The following PCDH10 variants were observed in gnomAD, a reference collection of about 807,000 sequenced individuals.
PCDH10 encodes the protein protocadherin 10, also known as protocadherin-10.
Under a neutral mutation model 74.4 loss-of-function variants are expected in PCDH10, and 15 were observed. The ratio of observed to expected loss-of-function variants is 0.20; its 90% CI spans 0.13 to 0.31. PCDH10 has a LOEUF of 0.31. Among genes scored for constraint, PCDH10 ranks in the 10% least tolerant of loss-of-function variants. The probability of loss-of-function intolerance (pLI) is 1.00; values close to 1 mark genes in which losing one functional copy is unlikely to be tolerated. For missense variants in PCDH10, 1,260 were observed against 1,390.2 expected (o/e 0.91, Z 1.49); for synonymous variants, 619 against 589.8 (o/e 1.05, Z -0.72).
intron 2 of PCDH10, among the ~76,000 whole-genome samples, chr4:133,204,786 G>T (rs917614013): frequency 3.9e-5 from 6 of 152,256 alleles, no homozygotes; most frequent in African/African-American, 1.4e-4. Context: ...CCTGCCCTGG[G>T]ATTATTGGGA....
chr4:133,186,118 T>A (rs996540457), intron 4 of PCDH10, among the ~76,000 whole-genome samples: 1 of 152,092 alleles, frequency 6.6e-6, no homozygotes, highest in African/African-American at 2.4e-5. Flanking sequence ...AAAATAGGAT[T>A]CCACAATATA....
At position 133,163,149 on chromosome 4, in the gene PCDH10, A is replaced by G. The variant is rs1274515953; in HGVS notation, c.2970A>G (p.Pro990=). The G allele has an allele frequency of 1.2e-6, 2 of 1,614,070 alleles. No individual in the cohort carries two copies. Among genetic ancestry groups the G allele is most frequent in the African/African-American group, 1.3e-5 (1 of 74,938 alleles). Residue 990 remains proline (P), a synonymous_variant, in exon 4 of 5, where the codon CCA becomes CCG. Coordinates refer to ENST00000264360, the MANE Select transcript of PCDH10 (RefSeq NM_032961.3). ...SVPDTEVFET[P]EAQPGAERSF... is the part of the protein sequence containing the mutation. ...CAGACACTGAGGTGTTTGAAACTCC[A>G]GAAGCCCAGCCTGGGGCAGAGCGGT...
exon 3 of PCDH10, chr4:133,208,425 G>A (rs1560721290): frequency 6.6e-6 from 1 of 152,128 alleles, no homozygotes; most frequent in African/African-American, 2.4e-5. Context: ...TTTCTGGTGT[G>A]ATGTGGCCAT....
intron 4 of PCDH10, chr4:133,164,158 A>T: frequency 5.9e-6 from 2 of 338,066 alleles, no homozygotes; most frequent in Non-Finnish European, 5.7e-6. Context: ...AGAACCAAAA[A>T]ATCATTTGTT....
Position 133,177,272 on chromosome 4 carries a change from C to T in PCDH10, c.3104-12869C>T, listed in dbSNP as rs115329560. Among the ~76,000 whole-genome samples, 772 of 152,192 alleles carry T rather than the reference C, an allele frequency of 5.1e-3. 6 individuals carry two copies. The highest frequency in any genetic ancestry group is 0.018 in the African/African-American group (740 of 41,542). On this transcript the variant is annotated intron_variant, in intron 4 of 4. Coordinates refer to ENST00000264360, the MANE Select transcript of PCDH10 (RefSeq NM_032961.3). Reference sequence around the variant, plus strand: ...TAGAGATACTTTTGCCTCCTTTGTTCTTCACTAAAATCTTATTATCTAATA... The same window carrying T: ...TAGAGATACTTTTGCCTCCTTTGTTTTTCACTAAAATCTTATTATCTAATA...
rs1490867617 is a variant in PCDH10 at position 133,185,906 on chromosome 4, G to A, written c.3104-4235G>A. ...CAATTTATTAAATTGTTATTTTAAT[G>A]TATAAAATAAAATAATTTTTACCAG... On this transcript the variant is annotated intron_variant, in intron 4 of 4. Transcript: ENST00000264360. 2.0e-5 allele frequency among the ~76,000 whole-genome samples: 3 copies of A among 152,058 alleles called. No homozygotes were observed. In the East Asian group the frequency reaches 5.8e-4, roughly 29 times the overall value.
chr4:133,187,269 G>A (rs1271740019), intron 4 of PCDH10, among the ~76,000 whole-genome samples: 1 of 152,040 alleles, frequency 6.6e-6, no homozygotes, highest in East Asian at 1.9e-4. Flanking sequence ...GAATTTATGT[G>A]AATGAAGTGA....
Position 133,151,179 on chromosome 4 carries a change from C to A in PCDH10, c.1039C>A (p.Arg347=). The change falls in exon 1 of 5, where the codon CGA becomes AGA. Residue 347 remains arginine (R), a synonymous_variant. Coordinates refer to ENST00000264360, the MANE Select transcript of PCDH10 (RefSeq NM_032961.3). ...AVPAHCKVLV[R]VLDANDNAPE... is the part of the protein sequence containing the mutation. ...GCCTGCGCACTGCAAGGTGCTAGTGCGAGTACTGGATGCTAATGACAACGC... is the reference window on the plus strand; with the variant it reads ...GCCTGCGCACTGCAAGGTGCTAGTGAGAGTACTGGATGCTAATGACAACGC... The A allele has an allele frequency of 6.2e-7, 1 of 1,614,104 alleles. No individual in the cohort carries two copies. The highest frequency in any genetic ancestry group is 8.5e-7 in the Non-Finnish European group (1 of 1,180,026).
Position 133,191,082 on chromosome 4 carries a change from T to G in PCDH10, c.*922T>G, listed in dbSNP as rs1727656832. The G allele has an allele frequency of 6.6e-6, 1 of 152,408 alleles. No individual in the cohort carries two copies. Among genetic ancestry groups the G allele is most frequent in the Non-Finnish European group, 1.5e-5 (1 of 67,916 alleles). The allele number at this position is 152,408 out of a possible 1,614,324, so 9.4% of individuals were successfully genotyped here. A position where few individuals can be genotyped will look rare whatever the true frequency, so the allele number is the denominator to read the frequency against. On this transcript the variant is annotated 3_prime_UTR_variant, in exon 5 of 5. Transcript: ENST00000264360. ...CTATCAAACTATCTAACAATCTGCA[T>G]AAGTCTGATTCTATTTCTATGACTT...
rs1287787958 is a variant in PCDH10 at position 133,154,935 on chromosome 4, C to G, written c.2709C>G (p.Ala903=). Residue 903 remains alanine (A), a synonymous_variant, in exon 3 of 5, where the codon GCC becomes GCG. Transcript: ENST00000264360. ...RRVNSSAFQE[A]DIVSSKDSGH... ...CTTCTAGTTCTGCATTCCAGGAAGC[C>G]GACATAGTAAGCTCTAAGGACAGTG... The G allele has an allele frequency of 6.2e-7, 1 of 1,611,380 alleles. No homozygotes were observed. The highest frequency in any genetic ancestry group is 1.7e-5 in the Admixed American group (1 of 59,956).
At chr4:133,199,670 T>C (rs1295365257), downstream of PCDH10, among the ~76,000 whole-genome samples, 2 of 151,258 alleles carry the variant, frequency 1.3e-5, no homozygotes, top group Non-Finnish European at 2.9e-5. Flanking sequence ...AGAAAGGCTT[T>C]CTAATTTTCT....
chr4:133,172,645 CT>C (rs754175741), intron 4 of PCDH10, among the ~76,000 whole-genome samples: 5 of 151,930 alleles, frequency 3.3e-5, no homozygotes, highest in Admixed American at 1.3e-4. Flanking sequence ...ATCCTAGTCT[CT>C]AACCAAAAAT....
chr4:133,161,366 C>A (rs559747186), intron 3 of PCDH10, among the ~76,000 whole-genome samples: 2 of 152,114 alleles, frequency 1.3e-5, no homozygotes, highest in East Asian at 3.9e-4. Context: ...CTATTCTTAA[C>A]TCCAAAATAC....
chr4:133,170,780 C>T (rs897985024), intron 4 of PCDH10, among the ~76,000 whole-genome samples: 6 of 152,116 alleles, frequency 3.9e-5, no homozygotes, highest in Non-Finnish European at 8.8e-5. Flanking sequence ...GCCACCTCCA[C>T]CTCCCGGGTT....
Position 133,191,964 on chromosome 4 carries a change from T to TAC in PCDH10, c.*1835_*1836dup, listed in dbSNP as rs1210071501. 0.1 allele frequency: 9,002 copies of TAC among 88,932 alleles called. 292 individuals carry two copies. The highest frequency in any genetic ancestry group is 0.14 in the Admixed American group (1,027 of 7,478). 5.5% of individuals were successfully genotyped at this position (88,932 alleles called of 1,614,324 possible). On this transcript the variant is annotated 3_prime_UTR_variant, in exon 5 of 5. Coordinates refer to ENST00000264360, the MANE Select transcript of PCDH10 (RefSeq NM_032961.3). ...GATTTAACTTTAAAATACATATATATACACACACACACACACACACACACA... is the reference window on the plus strand; with the variant it reads ...GATTTAACTTTAAAATACATATATATACACACACACACACACACACACACACA...
At chr4:133,189,301 C>T (rs559375850) in intron 4 of PCDH10, among the ~76,000 whole-genome samples, 2 of 151,950 alleles carry the variant, frequency 1.3e-5, no homozygotes, top group Non-Finnish European at 2.9e-5. Flanking sequence ...TGTTATGTGC[C>T]ATATACTGAT....
chr4:133,154,896 T>A (rs1323021887), intron 2 of PCDH10, 21 bp from the exon 3 acceptor site: 1 of 1,476,096 alleles, frequency 6.8e-7, no homozygotes, highest in Admixed American at 1.7e-5. Context: ...TATTCTAATA[T>A]TCACATTTTT....
chr4:133,152,272 C>G lies in PCDH10; in HGVS notation c.2132C>G (p.Ser711Trp). 6.2e-7 allele frequency: 1 copy of G among 1,613,866 alleles called. No individual in the cohort carries two copies. ...AGTCGCTCTGGCGGCGGGGAAACCT[C>G]GCTAGACCTCACCCTCATCCTCATC... ...RPSRSGGGET[S>W]LDLTLILIIA... Residue 711 changes from serine to tryptophan, a missense_variant, in exon 1 of 5, where the codon TCG becomes TGG. Physicochemically the swap from Ser to Trp is radical, Grantham distance 177. Transcript: ENST00000264360.
intron 4 of PCDH10, among the ~76,000 whole-genome samples, chr4:133,176,198 C>T (rs1727292249): frequency 6.6e-6 from 1 of 151,960 alleles, no homozygotes; most frequent in Non-Finnish European, 1.5e-5. Context: ...TATGAGTGAC[C>T]TTTGTACATG....
Sources: gnomAD v4.1 joint callset for allele counts (sites outside exome capture counted in the v4.1 genomes callset) on GRCh38, gnomAD v4.1.1 for gene constraint, MANE v1.5 for transcripts, NCBI Gene and HGNC (gene_info 2026-07-23, HGNC 2026-07-21) for gene names.